The following LRRTM4 variants were observed in gnomAD, a reference collection of about 807,000 sequenced individuals.
LRRTM4 encodes the protein leucine-rich repeat transmembrane neuronal protein 4.
A neutral mutation model predicts 47.6 loss-of-function variants in LRRTM4; 25 were observed. The observed-to-expected ratio is 0.53, with a 90% CI of 0.38 to 0.73. LRRTM4 has a LOEUF of 0.73. LRRTM4 is among the 30% of genes least tolerant of loss of function. LRRTM4 has a pLI of 0.00. For missense variants in LRRTM4, 638 were observed against 713.4 expected, an observed-to-expected ratio of 0.89 and a Z score of 1.20; for synonymous variants, 311 against 269.5, an observed-to-expected ratio of 1.15 and a Z score of -1.51.
chr2:77,210,266 A>G (rs1674255163), intron 3 of LRRTM4, among the ~76,000 whole-genome samples: 1 of 152,088 alleles, frequency 6.6e-6, no homozygotes. Flanking sequence ...TTATCTCACA[A>G]CACAAAATCC....
intron 3 of LRRTM4, among the ~76,000 whole-genome samples, chr2:77,339,654 C>T (rs968245080): frequency 4.6e-5 from 7 of 151,972 alleles, no homozygotes; most frequent in African/African-American, 1.7e-4. Flanking sequence ...GTCCTTAAAT[C>T]CCCCGACTGT....
chr2:77,267,757 T>C (rs1386650695), intron 3 of LRRTM4, among the ~76,000 whole-genome samples: 2 of 127,496 alleles, frequency 1.6e-5, no homozygotes, highest in African/African-American at 5.9e-5. Flanking sequence ...GGACTATACA[T>C]TTTATGATTA....
intron 3 of LRRTM4, among the ~76,000 whole-genome samples, chr2:76,817,835 T>C (rs924744449): frequency 1.2e-4 from 18 of 144,578 alleles, no homozygotes; most frequent in African/African-American, 3.4e-4. Flanking sequence ...TAATGTCTTC[T>C]TGCTTAAGAT....
chr2:77,397,137 G>T (rs1673735806), intron 3 of LRRTM4, among the ~76,000 whole-genome samples: 1 of 151,754 alleles, frequency 6.6e-6, no homozygotes, highest in African/African-American at 2.4e-5. Flanking sequence ...TACATGCATT[G>T]CCTAGCTGAT....
chr2:77,059,788 A>G (rs943195630), intron 3 of LRRTM4, among the ~76,000 whole-genome samples: 5 of 152,154 alleles, frequency 3.3e-5, no homozygotes, highest in Admixed American at 6.6e-5. Context: ...CATTTTACCC[A>G]CATCTTAAAG....
chr2:76,856,660 T>C (rs530635810), intron 3 of LRRTM4, among the ~76,000 whole-genome samples: 32 of 152,174 alleles, frequency 2.1e-4, no homozygotes, highest in Admixed American at 5.2e-4. Flanking sequence ...TTACTGCTTA[T>C]TTATCAGTAA....
rs570050487 is a variant in LRRTM4 at position 77,034,324 on chromosome 2, C to G, written c.1552-285408G>C. Among the ~76,000 whole-genome samples, 72 of 152,046 alleles carry G rather than the reference C, an allele frequency of 4.7e-4. 1 individual carries two copies. Among genetic ancestry groups the G allele is most frequent in the Middle Eastern group, 3.4e-3 (1 of 294 alleles). On this transcript the variant is annotated intron_variant, in intron 3 of 3. Transcript: ENST00000409884. ...GAAGTCTTGCCCAAGTGTCTCAATT[C>G]AATCACAACTTCTTCCTTCTCTGCA...
chr2:77,268,099 A>G (rs1676096685), intron 3 of LRRTM4, among the ~76,000 whole-genome samples: 1 of 152,098 alleles, frequency 6.6e-6, no homozygotes, highest in African/African-American at 2.4e-5. Context: ...ATCTATAACC[A>G]TGACTTCAAA....
intron 3 of LRRTM4, among the ~76,000 whole-genome samples, chr2:77,084,754 A>G (rs1409746092): frequency 2.0e-5 from 3 of 152,238 alleles, no homozygotes; most frequent in Non-Finnish European, 4.4e-5. Context: ...ATATTGTCAT[A>G]AGAAACCATT....
chr2:76,751,249 C>A (rs934413862), intron 3 of LRRTM4, among the ~76,000 whole-genome samples: 1 of 152,136 alleles, frequency 6.6e-6, no homozygotes, highest in African/African-American at 2.4e-5. Flanking sequence ...CTGTTTTTCA[C>A]AATGAGTTGG....
rs181572108 is a variant in LRRTM4, at chr2:76,969,832, C to T, written c.1552-220916G>A. On this transcript the variant is annotated intron_variant, in intron 3 of 3. Transcript: ENST00000409884. ...ACACAAGAGTTGGCAATGCTATCTCCATTTTCTTAGGGAGAAAATAAATAA... is the reference window on the plus strand; with the variant it reads ...ACACAAGAGTTGGCAATGCTATCTCTATTTTCTTAGGGAGAAAATAAATAA... Among the ~76,000 whole-genome samples, 683 of 152,018 alleles carry T rather than the reference C, an allele frequency of 4.5e-3. 4 individuals are homozygous for T. The highest frequency in any genetic ancestry group is 4.2e-3 in the Non-Finnish European group (286 of 67,918).
At chr2:76,854,601 A>G (rs375856981) in intron 3 of LRRTM4, among the ~76,000 whole-genome samples, 2 of 152,180 alleles carry the variant, frequency 1.3e-5, no homozygotes. Context: ...TAATCTAACT[A>G]TAGTTGAATT....
At chr2:77,322,313 T>C (rs1374631709) in intron 3 of LRRTM4, among the ~76,000 whole-genome samples, 1 of 152,136 alleles carries the variant, frequency 6.6e-6, no homozygotes, top group African/African-American at 2.4e-5. Context: ...ACTCCTTCTA[T>C]GTGATCCAAA....
chr2:77,514,624 T>C (rs1445380470), intron 3 of LRRTM4, among the ~76,000 whole-genome samples: 3 of 152,074 alleles, frequency 2.0e-5, no homozygotes, highest in Admixed American at 1.3e-4. Flanking sequence ...TATAGGATCA[T>C]TAAACTTTAT....
At chr2:76,763,615 A>G (rs942944617) in intron 3 of LRRTM4, among the ~76,000 whole-genome samples, 4 of 152,232 alleles carry the variant, frequency 2.6e-5, no homozygotes, top group African/African-American at 9.6e-5. Context: ...ACATATGAAT[A>G]GAGATTTTGG....
rs1025966707 is a variant in LRRTM4, at chr2:76,880,263, T to C, written c.1552-131347A>G. Among the ~76,000 whole-genome samples, 10 of 152,150 alleles carry C rather than the reference T, an allele frequency of 6.6e-5. No homozygotes were observed. In the South Asian group the frequency reaches 1.5e-3, roughly 22 times the overall value. On this transcript the variant is annotated intron_variant, in intron 3 of 3. Transcript: ENST00000409884. Reference sequence around the variant, plus strand: ...GAAGAATCAAACACCAAGGGAAACTTTATTATCTATTTTTAAAAATTGCCA... The same window carrying C: ...GAAGAATCAAACACCAAGGGAAACTCTATTATCTATTTTTAAAAATTGCCA...
intron 3 of LRRTM4, among the ~76,000 whole-genome samples, chr2:77,131,495 G>C (rs1671802438): frequency 6.6e-6 from 1 of 152,112 alleles, no homozygotes; most frequent in Admixed American, 6.5e-5. Context: ...ACATGTGTTT[G>C]GGATCTTACC....
chr2:76,775,998 A>G (rs917377722), intron 3 of LRRTM4, among the ~76,000 whole-genome samples: 18 of 151,738 alleles, frequency 1.2e-4, no homozygotes, highest in Non-Finnish European at 2.4e-4. Context: ...ATGAGTGACA[A>G]TATGCGGTGT....
intron 3 of LRRTM4, among the ~76,000 whole-genome samples, chr2:77,017,663 A>C (rs1451892405): frequency 1.3e-5 from 2 of 151,922 alleles, no homozygotes. Flanking sequence ...TATATACATA[A>C]CTCCTCTCCT....
Sources: gnomAD v4.1 joint callset for allele counts (sites outside exome capture counted in the v4.1 genomes callset) on GRCh38, gnomAD v4.1.1 for gene constraint, MANE v1.5 for transcripts, NCBI Gene and HGNC (gene_info 2026-07-23, HGNC 2026-07-21) for gene names.